The following GEMIN8 variants were observed in gnomAD, a reference collection of about 807,000 sequenced individuals.
GEMIN8 encodes the protein gem-associated protein 8.
For synonymous variants in GEMIN8, 80 were observed against 78.5 expected (o/e 1.02, Z -0.10); for missense variants, 185 against 205.9 (o/e 0.90, Z 0.62).
downstream of GEMIN8, among the ~76,000 whole-genome samples, chrX:14,005,787 T>C (rs1238352569): frequency 1.9e-5 from 2 of 105,797 alleles, no homozygotes; most frequent in African/African-American, 3.5e-5. Flanking sequence ...AAATGAATTA[T>C]AGGACACCCA....
chrX:14,024,361 T>C (rs1362880060), intron 2 of GEMIN8, among the ~76,000 whole-genome samples: 1 of 111,440 alleles, frequency 9.0e-6, no homozygotes, highest in African/African-American at 3.3e-5. Flanking sequence ...TAGCTGGGTC[T>C]GGTGGCGCAC....
downstream of GEMIN8, among the ~76,000 whole-genome samples, chrX:14,002,332 T>C (rs764267383): frequency 1.7e-4 from 9 of 52,512 alleles, no homozygotes; most frequent in South Asian, 3.0e-3. Context: ...AGATAGGTGA[T>C]AGATAGATAG....
downstream of GEMIN8, among the ~76,000 whole-genome samples, chrX:14,002,004 C>T (rs773871182): frequency 9.5e-6 from 1 of 104,889 alleles, no homozygotes; most frequent in African/African-American, 3.5e-5. Context: ...ACCTCTAATC[C>T]CAGCTACTCT....
At chrX:14,006,322 C>A (rs1351586740), downstream of GEMIN8, among the ~76,000 whole-genome samples, 1 of 111,069 alleles carries the variant, frequency 9.0e-6, no homozygotes, top group Admixed American at 9.6e-5. Context: ...AGCCACCGCT[C>A]CCGGCCTGAG....
intron 2 of GEMIN8, among the ~76,000 whole-genome samples, chrX:14,022,185 T>G (rs1022131862): frequency 2.8e-5 from 3 of 108,780 alleles, no homozygotes; most frequent in African/African-American, 1.0e-4. Flanking sequence ...CCCTGGGTCT[T>G]CCTGAGGCTT....
At chrX:14,011,066 G>T (rs1344374080) in intron 4 of GEMIN8, among the ~76,000 whole-genome samples, 3 of 111,999 alleles carry the variant, frequency 2.7e-5, no homozygotes, top group African/African-American at 9.7e-5. Context: ...TCTTATTTCC[G>T]CAAGAGTTCT....
downstream of GEMIN8, among the ~76,000 whole-genome samples, chrX:14,003,868 A>G (rs1923053798): frequency 8.9e-6 from 1 of 112,479 alleles, no homozygotes; most frequent in South Asian, 3.7e-4. Context: ...GATAAAGTAA[A>G]CATTTCCTGT....
At chrX:14,028,656 AAC>A (rs779564370) in intron 1 of GEMIN8, among the ~76,000 whole-genome samples, 1 of 111,605 alleles carries the variant, frequency 9.0e-6, no homozygotes, top group South Asian at 3.8e-4. Flanking sequence ...CCATCTATAG[AAC>A]AGTTTCAGAA....
chrX:13,992,415 C>T, the GEMIN8 span, among the ~76,000 whole-genome samples: 2 of 111,395 alleles, frequency 1.8e-5, no homozygotes, highest in African/African-American at 3.3e-5. Flanking sequence ...CATGGATACC[C>T]AGCAGGCAAG....
chrX:14,009,542 G>A (rs1487974437), intron 4 of GEMIN8, among the ~76,000 whole-genome samples: 1 of 110,031 alleles, frequency 9.1e-6, no homozygotes, highest in African/African-American at 3.3e-5. Context: ...GCCAGACCCG[G>A]TGTCAAAAAA....
chrX:13,996,110 C>T, the GEMIN8 span, among the ~76,000 whole-genome samples: 5 of 111,590 alleles, frequency 4.5e-5, no homozygotes, highest in African/African-American at 1.3e-4. Context: ...GGGGACATTA[C>T]GACATTTGGA....
At chrX:14,006,518 T>C (rs1381732425), downstream of GEMIN8, among the ~76,000 whole-genome samples, 9 of 111,678 alleles carry the variant, frequency 8.1e-5, no homozygotes, top group African/African-American at 2.9e-4. Flanking sequence ...GAAATTCAAA[T>C]ATTTGTTGGA....
chrX:13,997,670 G>A, the GEMIN8 span, among the ~76,000 whole-genome samples: 3 of 111,727 alleles, frequency 2.7e-5, no homozygotes, highest in East Asian at 2.8e-4. Context: ...TGAGGCGGGC[G>A]GATCACCTGA....
chrX:14,018,295 G>C lies in GEMIN8; in HGVS notation c.472+1783C>G, dbSNP rs936362804. ...CGTTCACATTTTTTCTTTGGTGCAA[G>C]GACACATTTCATTGTTTTATCTTTA... On this transcript the variant is annotated intron_variant, in intron 4 of 4. Coordinates refer to ENST00000680255, the MANE Select transcript of GEMIN8 (RefSeq NM_001042479.2). Among the ~76,000 whole-genome samples, 5 of 112,368 alleles carry C rather than the reference G, an allele frequency of 4.4e-5. No individual in the cohort carries two copies. In the Admixed American group the frequency reaches 4.7e-4, roughly 11 times the overall value.
At chrX:14,001,256 A>G in the GEMIN8 span, among the ~76,000 whole-genome samples, 6 of 112,251 alleles carry the variant, frequency 5.3e-5, no homozygotes, top group Admixed American at 1.9e-4. Flanking sequence ...CCCAGGTATC[A>G]TATCAGCTCA....
At chrX:14,002,833 A>T (rs1366316643), downstream of GEMIN8, among the ~76,000 whole-genome samples, 2 of 112,002 alleles carry the variant, frequency 1.8e-5, no homozygotes, top group Admixed American at 9.5e-5. Context: ...GGTCCTCTCT[A>T]TTGAGTTCCA....
rs1351066594 is a variant in GEMIN8 at position 14,020,366 on chromosome X, G to A, written c.184C>T (p.Pro62Ser). 1 of 1,211,235 alleles carries A rather than the reference G, an allele frequency of 8.3e-7. No individual in the cohort carries two copies. The highest frequency in any genetic ancestry group is 1.1e-6 in the Non-Finnish European group (1 of 894,864). The change falls in exon 4 of 5, where the codon CCC (proline) becomes TCC (serine). Residue 62 changes from proline (P) to serine (S), a missense_variant. Physicochemically the swap from Pro to Ser is moderately conservative, Grantham distance 74 (BLOSUM62 -1). Coordinates refer to ENST00000680255, the MANE Select transcript of GEMIN8 (RefSeq NM_001042479.2). ...LPWYLPSALL[P>S]QSSYDNEAAY... ...GCCTCATTATCGTAAGAGCTTTGGG[G>A]AAGAAGCGCAGAAGGTAAGTACCAT...
At chrX:13,992,462 G>T in the GEMIN8 span, among the ~76,000 whole-genome samples, 3 of 111,652 alleles carry the variant, frequency 2.7e-5, no homozygotes, top group African/African-American at 9.8e-5. Context: ...CCAGGGGTGG[G>T]AGTGTTCTGG....
At chrX:13,993,640 T>C in the GEMIN8 span, among the ~76,000 whole-genome samples, 1 of 109,322 alleles carries the variant, frequency 9.1e-6, no homozygotes, top group African/African-American at 3.3e-5. Flanking sequence ...CCCAGGCTGG[T>C]CTGGAACTCC....
Sources: allele counts gnomAD v4.1 joint callset (sites outside exome capture counted in the v4.1 genomes callset), GRCh38; gene constraint gnomAD v4.1.1; transcripts MANE v1.5; gene names NCBI Gene and HGNC (gene_info 2026-07-23, HGNC 2026-07-21).